Variants in GRIA3 observed in about 807,000 individuals in gnomAD.
GRIA3 encodes glutamate ionotropic receptor AMPA type subunit 3, also known as glutamate receptor 3.
A neutral mutation model predicts 63.0 loss-of-function variants in GRIA3; 3 were observed. That is an observed-to-expected ratio of 0.05 (90% CI 0.02 to 0.12). The LOEUF is 0.12. Ranked by LOEUF, GRIA3 falls within the 10% of genes least tolerant of loss-of-function variation. The probability of loss-of-function intolerance (pLI) is 1.00; values close to 1 mark genes in which losing one functional copy is unlikely to be tolerated. For synonymous variants in GRIA3, 274 were observed against 257.9 expected (o/e 1.06, Z -0.60); for missense variants, 347 against 700.9 (o/e 0.50, Z 5.70).
intron 2 of GRIA3, among the ~76,000 whole-genome samples, chrX:123,216,470 C>T (rs1928161561): frequency 1.8e-5 from 2 of 111,448 alleles, no homozygotes; most frequent in African/African-American, 6.6e-5. Flanking sequence ...AAACTACAAG[C>T]AACTGCTACA....
At chrX:123,250,821 G>A (rs1052090832) in intron 2 of GRIA3, among the ~76,000 whole-genome samples, 1 of 111,702 alleles carries the variant, frequency 9.0e-6, no homozygotes, top group Non-Finnish European at 1.9e-5. Flanking sequence ...TGAATTTGAG[G>A]CATACTTATA....
At chrX:123,314,124 G>C (rs891942317) in intron 3 of GRIA3, among the ~76,000 whole-genome samples, 1 of 112,124 alleles carries the variant, frequency 8.9e-6, no homozygotes, top group Admixed American at 9.4e-5. Flanking sequence ...TATCTATAAA[G>C]TGCTTACTAA....
intron 12 of GRIA3, among the ~76,000 whole-genome samples, chrX:123,442,431 T>A (rs781524089): frequency 1.8e-5 from 2 of 111,844 alleles, no homozygotes; most frequent in South Asian, 7.5e-4. Flanking sequence ...AGAACAAAGA[T>A]CAAAGAGTGG....
At chrX:123,373,280 G>A (rs1355323620) in intron 5 of GRIA3, among the ~76,000 whole-genome samples, 1 of 111,559 alleles carries the variant, frequency 9.0e-6, no homozygotes, top group East Asian at 2.8e-4. Context: ...GGACATTTGG[G>A]TTGGTTCCAA....
At chrX:123,204,682 A>C (rs1364017650) in intron 2 of GRIA3, 1 of 1,029,637 alleles carries the variant, frequency 9.7e-7, no homozygotes, top group East Asian at 3.7e-5. Flanking sequence ...TTATTCCTCA[A>C]ATCCTGTGTT....
At chrX:123,213,019 G>C (rs765152775) in intron 2 of GRIA3, among the ~76,000 whole-genome samples, 96 of 111,436 alleles carry the variant, frequency 8.6e-4, no homozygotes, top group Non-Finnish European at 1.6e-3. Context: ...TCAGATCAGT[G>C]GTGCCATTAG....
intron 3 of GRIA3, 97 bp downstream of exon 3, chrX:123,253,639 A>G: frequency 1.4e-6 from 1 of 697,046 alleles, no homozygotes; most frequent in Non-Finnish European, 2.2e-6. Context: ...AATAAAATCT[A>G]ATTCTGTTTT....
At chrX:123,372,561 T>G in intron 5 of GRIA3, among the ~76,000 whole-genome samples, 1 of 112,057 alleles carries the variant, frequency 8.9e-6, no homozygotes. Context: ...CATCAGAGTT[T>G]TATAGCGTTC....
At chrX:123,235,543 TA>T (rs896014804) in intron 2 of GRIA3, among the ~76,000 whole-genome samples, 2 of 110,680 alleles carry the variant, frequency 1.8e-5, no homozygotes, top group Admixed American at 9.6e-5. Flanking sequence ...CACAATACAT[TA>T]AAAAAAACAC....
chrX:123,324,820 A>G (rs1447012652), intron 3 of GRIA3, among the ~76,000 whole-genome samples: 1 of 111,506 alleles, frequency 9.0e-6, no homozygotes, highest in Non-Finnish European at 1.9e-5. Flanking sequence ...AAATGTCAAT[A>G]CCATTTTCTA....
rs941156284 is a variant in GRIA3 at position 123,438,968 on chromosome X, G to A, written c.2076+10829G>A. On this transcript the variant is annotated intron_variant, in intron 12 of 15. Coordinates refer to ENST00000620443, the MANE Select transcript of GRIA3 (RefSeq NM_007325.5). ...GATAACTGGTGTTGGGGGCAGATCT[G>A]TAGTTAATATCACAAAGTTTCATCT... Among the ~76,000 whole-genome samples, 5 of 112,296 alleles carry A rather than the reference G, an allele frequency of 4.5e-5. No individual in the cohort carries two copies. The East Asian group carries it at 1.4e-3, about 31-fold the overall frequency.
intron 12 of GRIA3, among the ~76,000 whole-genome samples, chrX:123,462,869 T>C (rs918841754): frequency 8.9e-6 from 1 of 111,984 alleles, no homozygotes; most frequent in East Asian, 2.8e-4. Context: ...AGTATCACCT[T>C]AGAATTTTTT....
intron 3 of GRIA3, among the ~76,000 whole-genome samples, chrX:123,271,831 C>T (rs899103775): frequency 4.5e-5 from 5 of 112,160 alleles, no homozygotes; most frequent in East Asian, 2.8e-4. Context: ...CAGTGCTAGA[C>T]GCCCTGATTC....
In GRIA3 at chrX:123,464,948, C is replaced by T. The variant is rs1214968030; in HGVS notation, c.2160C>T (p.Asp720=). The T allele has an allele frequency of 2.5e-6, 3 of 1,209,165 alleles. No individual in the cohort carries two copies. Among genetic ancestry groups the T allele is most frequent in the Middle Eastern group, 2.3e-4 (1 of 4,342 alleles). The change falls in exon 13 of 16, where the codon GAC becomes GAT. Residue 720 remains aspartate, a synonymous_variant. Transcript: ENST00000620443. ...CTGTGTTTACCAAAACAACAGCAGA[C>T]GGAGTGGCCCGAGTGCGAAAGTCCA... ...EPSVFTKTTA[D]GVARVRKSKG... is the part of the protein sequence containing the mutation.
At chrX:123,353,393 C>T (rs925022074) in intron 4 of GRIA3, among the ~76,000 whole-genome samples, 1 of 112,131 alleles carries the variant, frequency 8.9e-6, no homozygotes. Flanking sequence ...CATAAACTCT[C>T]TCTGACTGAA....
chrX:123,217,339 G>A (rs192689894), intron 2 of GRIA3, among the ~76,000 whole-genome samples: 112 of 111,634 alleles, frequency 1.0e-3, no homozygotes, highest in African/African-American at 3.3e-3. Context: ...ATGGAGAAGA[G>A]GGTGGAGGAA....
At chrX:123,229,887 T>A (rs1019429250) in intron 2 of GRIA3, among the ~76,000 whole-genome samples, 5 of 111,831 alleles carry the variant, frequency 4.5e-5, no homozygotes, top group Non-Finnish European at 9.4e-5. Flanking sequence ...TAGTGAGTGT[T>A]CCTCAAAAGG....
intron 2 of GRIA3, among the ~76,000 whole-genome samples, chrX:123,199,422 T>C (rs745935395): frequency 9.1e-6 from 1 of 110,129 alleles, no homozygotes; most frequent in South Asian, 4.0e-4. Flanking sequence ...TCCATGAGTA[T>C]CATCTCCTCT....
In GRIA3 at chrX:123,488,693, A is replaced by T. The variant is rs749237866; in HGVS notation, c.*3-20A>T. 1.8e-5 allele frequency: 2 copies of T among 111,777 alleles called. No individual in the cohort carries two copies. Among genetic ancestry groups the T allele is most frequent in the East Asian group, 5.7e-4 (2 of 3,531 alleles). 9.2% of individuals were successfully genotyped at this position (111,777 alleles called of 1,213,427 possible). On this transcript the variant is annotated intron_variant, in intron 15 of 15. Transcript: ENST00000620443. ...TAATAGGAAGCCCCTTCAAATTTAAATATCCCCTTGCCTTTGCAGATCCCT... is the reference window on the plus strand; with the variant it reads ...TAATAGGAAGCCCCTTCAAATTTAATTATCCCCTTGCCTTTGCAGATCCCT...
Sources: gnomAD v4.1 joint callset for allele counts (sites outside exome capture counted in the v4.1 genomes callset) on GRCh38, gnomAD v4.1.1 for gene constraint, MANE v1.5 for transcripts, NCBI Gene and HGNC (gene_info 2026-07-23, HGNC 2026-07-21) for gene names.